FAT3: variants seen among roughly 807,000 people sequenced by gnomAD.
FAT3 encodes FAT atypical cadherin 3.
In FAT3, 95 loss-of-function variants were observed where a neutral mutation model predicts 310.2. That is an observed-to-expected ratio of 0.31 (90% CI 0.26 to 0.36). The LOEUF (loss-of-function observed/expected upper bound fraction) is 0.36. FAT3 is among the 10% of genes least tolerant of loss of function. The pLI, the probability that FAT3 is intolerant of heterozygous loss-of-function variation, is 1.00. For synonymous variants in FAT3, 2,314 were observed against 2,192.9 expected (o/e 1.06, Z -1.54); for missense variants, 5,408 against 5,715.6 (o/e 0.95, Z 1.74).
intron 1 of FAT3, among the ~76,000 whole-genome samples, chr11:92,297,289 G>C (rs1946874874): frequency 1.3e-5 from 2 of 151,982 alleles, no homozygotes; most frequent in African/African-American, 4.8e-5. Flanking sequence ...TATTAAAATT[G>C]TTTATGCAAA....
intron 2 of FAT3, among the ~76,000 whole-genome samples, chr11:92,475,081 TG>T (rs1952012496): frequency 6.6e-6 from 1 of 152,198 alleles, no homozygotes; most frequent in Non-Finnish European, 1.5e-5. Context: ...CTTATCATCC[TG>T]GGTCTTGATT....
intron 1 of FAT3, among the ~76,000 whole-genome samples, chr11:92,232,795 A>G (rs958297063): frequency 3.3e-5 from 5 of 152,118 alleles, no homozygotes; most frequent in Admixed American, 6.5e-5. Flanking sequence ...AAAAACAACA[A>G]TTGGGAGGTA....
chr11:92,458,427 C>T (rs1427225753), intron 2 of FAT3, among the ~76,000 whole-genome samples: 2 of 152,092 alleles, frequency 1.3e-5, no homozygotes, highest in Admixed American at 6.5e-5. Context: ...TTTCCAGAAC[C>T]TGTAACATAT....
At chr11:92,613,631 T>C (rs1053193322) in intron 3 of FAT3, among the ~76,000 whole-genome samples, 1 of 152,168 alleles carries the variant, frequency 6.6e-6, no homozygotes, top group East Asian at 1.9e-4. Context: ...CTAGCCTCTG[T>C]TTTGGAGCTG....
chr11:92,711,602 C>A (rs1944523448), intron 4 of FAT3, among the ~76,000 whole-genome samples: 1 of 152,190 alleles, frequency 6.6e-6, no homozygotes, highest in Admixed American at 6.5e-5. Flanking sequence ...GAACAAAAAT[C>A]TATCCCTTGG....
intron 2 of FAT3, among the ~76,000 whole-genome samples, chr11:92,438,592 T>C (rs1303384500): frequency 6.6e-6 from 1 of 152,216 alleles, no homozygotes; most frequent in Non-Finnish European, 1.5e-5. Context: ...TTATTTGAAT[T>C]TTATAATCAA....
chr11:92,709,593 T>C (rs932681502), intron 4 of FAT3, among the ~76,000 whole-genome samples: 1 of 152,184 alleles, frequency 6.6e-6, no homozygotes, highest in African/African-American at 2.4e-5. Context: ...AGGGATGTAA[T>C]AGGCACTTGA....
At chr11:92,291,080 T>TACACACACACACACAC (rs141883138) in intron 1 of FAT3, among the ~76,000 whole-genome samples, 519 of 142,856 alleles carry the variant, frequency 3.6e-3, no homozygotes, top group Non-Finnish European at 4.7e-3. Flanking sequence ...CTTTTTATTC[T>TACACACACACACACAC]ACACACACAC....
At chr11:92,261,958 G>T in intron 1 of FAT3, among the ~76,000 whole-genome samples, 1 of 150,906 alleles carries the variant, frequency 6.6e-6, no homozygotes, top group Non-Finnish European at 1.5e-5. Flanking sequence ...TTATTTCTAT[G>T]TTGTTTCTCC....
At chr11:92,563,412 T>C (rs998684675) in intron 3 of FAT3, among the ~76,000 whole-genome samples, 4 of 152,208 alleles carry the variant, frequency 2.6e-5, no homozygotes, top group East Asian at 1.9e-4. Context: ...TATTTTGTGA[T>C]TGACTGAAAC....
intron 2 of FAT3, among the ~76,000 whole-genome samples, chr11:92,495,338 T>C (rs988755079): frequency 6.6e-6 from 1 of 152,188 alleles, no homozygotes; most frequent in South Asian, 2.1e-4. Context: ...CAGGTTTCTC[T>C]GCCCAGCGCG....
At chr11:92,278,336 A>G (rs1319313890) in intron 1 of FAT3, among the ~76,000 whole-genome samples, 3 of 152,148 alleles carry the variant, frequency 2.0e-5, no homozygotes, top group Non-Finnish European at 4.4e-5. Flanking sequence ...TGAGACAATC[A>G]TAAAGAATCT....
chr11:92,606,630 G>C (rs1177574229), intron 3 of FAT3, among the ~76,000 whole-genome samples: 1 of 152,168 alleles, frequency 6.6e-6, no homozygotes, highest in African/African-American at 2.4e-5. Flanking sequence ...ACTTTTTTAT[G>C]TGTGTGGTTT....
At chr11:92,426,568 G>C (rs1950638865) in intron 2 of FAT3, among the ~76,000 whole-genome samples, 2 of 152,118 alleles carry the variant, frequency 1.3e-5, no homozygotes, top group African/African-American at 4.8e-5. Flanking sequence ...TGTAAGGAAG[G>C]GGTCAAGTTT....
intron 3 of FAT3, among the ~76,000 whole-genome samples, chr11:92,607,993 C>G (rs1940382947): frequency 6.6e-6 from 1 of 151,942 alleles, no homozygotes. Flanking sequence ...CCTTCCATTT[C>G]TTGAACTTTT....
intron 3 of FAT3, among the ~76,000 whole-genome samples, chr11:92,636,257 C>T (rs1941765639): frequency 6.6e-6 from 1 of 152,180 alleles, no homozygotes. Context: ...CCACTGCACC[C>T]TGCAGGTCTT....
intron 3 of FAT3, among the ~76,000 whole-genome samples, chr11:92,675,186 C>T (rs912470207): frequency 1.3e-5 from 2 of 152,156 alleles, no homozygotes; most frequent in African/African-American, 4.8e-5. Flanking sequence ...CGTCTGTTTG[C>T]TCTACCAAGA....
intron 1 of FAT3, among the ~76,000 whole-genome samples, chr11:92,321,424 G>T (rs963044376): frequency 1.3e-5 from 2 of 149,634 alleles, no homozygotes; most frequent in African/African-American, 4.9e-5. Flanking sequence ...GCAACAGGGC[G>T]AGACTCCGTC....
rs1366389098 is a variant in FAT3, at chr11:92,443,693, A to G, written c.3293-80941A>G. 2.0e-5 allele frequency among the ~76,000 whole-genome samples: 3 copies of G among 152,202 alleles called. No individual in the cohort carries two copies. The East Asian group carries it at 5.8e-4, about 29-fold the overall frequency. On this transcript the variant is annotated intron_variant, in intron 2 of 27. Coordinates refer to ENST00000525166, the MANE Select transcript of FAT3 (RefSeq NM_001367949.2). Reference sequence around the variant, plus strand: ...AGAAACTGATCTATTCTGTGTGGAAAGATGGCTATTTCTCAGCGAGTACCT... The same window carrying G: ...AGAAACTGATCTATTCTGTGTGGAAGGATGGCTATTTCTCAGCGAGTACCT...
Sources: gnomAD v4.1 joint callset for allele counts (sites outside exome capture counted in the v4.1 genomes callset) on GRCh38, gnomAD v4.1.1 for gene constraint, MANE v1.5 for transcripts, NCBI Gene and HGNC (gene_info 2026-07-23, HGNC 2026-07-21) for gene names.